LRP1B: variants seen among roughly 807,000 people sequenced by gnomAD.
LRP1B encodes the protein low-density lipoprotein receptor-related protein 1B.
LRP1B carries 217 observed loss-of-function variants against 556.6 expected under a neutral mutation model. The ratio of observed to expected loss-of-function variants is 0.39; its 90% CI spans 0.35 to 0.44. LRP1B has a LOEUF of 0.44. LRP1B is among the 20% of genes least tolerant of loss of function. The probability of loss-of-function intolerance (pLI) is 1.00; values close to 1 mark genes in which losing one functional copy is unlikely to be tolerated. For synonymous variants in LRP1B, 2,047 were observed against 1,865.8 expected (o/e 1.10, Z -2.50); for missense variants, 5,053 against 5,620.8 (o/e 0.90, Z 3.23).
intron 6 of LRP1B, among the ~76,000 whole-genome samples, chr2:141,223,388 G>A (rs970609139): frequency 2.0e-5 from 3 of 151,672 alleles, no homozygotes; most frequent in Non-Finnish European, 4.4e-5. Flanking sequence ...AAGAAAGAGA[G>A]GACATAAACA....
chr2:141,677,769 A>T (rs1453408863), intron 2 of LRP1B, among the ~76,000 whole-genome samples: 1 of 152,172 alleles, frequency 6.6e-6, no homozygotes, highest in African/African-American at 2.4e-5. Context: ...CATTACAGGC[A>T]TGAGCCACTG....
rs76471799 is a variant in LRP1B, at chr2:141,548,845, T to C, written c.206-68312A>G. On this transcript the variant is annotated intron_variant, in intron 2 of 90. Coordinates refer to ENST00000389484, the MANE Select transcript of LRP1B (RefSeq NM_018557.3). ...TCAACAAAGAGCTAACATTTTCTCA[T>C]TGCATGTCCTAAGATCTTAGAATCT... Among the ~76,000 whole-genome samples, 1,031 of 152,268 alleles carry C rather than the reference T, an allele frequency of 6.8e-3. 21 individuals carry two copies. The highest frequency in any genetic ancestry group is 0.023 in the African/African-American group (942 of 41,546).
chr2:140,873,275 G>A (rs184941720), intron 25 of LRP1B, among the ~76,000 whole-genome samples: 8 of 152,138 alleles, frequency 5.3e-5, no homozygotes, highest in African/African-American at 1.9e-4. Context: ...ATCTTTGCTT[G>A]CATGATCTTT....
At chr2:141,070,861 C>G (rs6731760) in intron 7 of LRP1B, among the ~76,000 whole-genome samples, 87,416 of 151,502 alleles carry the variant, frequency 0.58, 25,479 homozygotes, top group Non-Finnish European at 0.62. Context: ...TGGCAATAAT[C>G]AATAGCTTAC....
chr2:140,819,752 TCTATTACAATA>T (rs1439089816), intron 31 of LRP1B, among the ~76,000 whole-genome samples: 1 of 152,194 alleles, frequency 6.6e-6, no homozygotes, highest in Non-Finnish European at 1.5e-5. Context: ...ACACTATATG[TCTATTACAATA>T]GCTAAAATAA....
intron 1 of LRP1B, among the ~76,000 whole-genome samples, chr2:142,062,072 G>T (rs532287472): frequency 1.3e-5 from 2 of 151,960 alleles, no homozygotes; most frequent in South Asian, 4.1e-4. Flanking sequence ...CACTCCAGAA[G>T]CTATCCTTTC....
At chr2:140,488,862 A>G (rs1688586449) in intron 57 of LRP1B, among the ~76,000 whole-genome samples, 1 of 151,936 alleles carries the variant, frequency 6.6e-6, no homozygotes, top group African/African-American at 2.4e-5. Context: ...AAGCATCTTC[A>G]GAGAGGCAGG....
intron 1 of LRP1B, among the ~76,000 whole-genome samples, chr2:141,968,841 C>A (rs1574543478): frequency 6.6e-6 from 1 of 151,860 alleles, no homozygotes; most frequent in Non-Finnish European, 1.5e-5. Context: ...AAACATCTTC[C>A]AGATTTGCTT....
chr2:141,591,470 C>T (rs1273867404), intron 2 of LRP1B, among the ~76,000 whole-genome samples: 1 of 151,680 alleles, frequency 6.6e-6, no homozygotes, highest in Non-Finnish European at 1.5e-5. Flanking sequence ...TTTGTGTCCC[C>T]ACTCCCAGGT....
intron 32 of LRP1B, among the ~76,000 whole-genome samples, chr2:140,779,563 T>A (rs1015120828): frequency 3.3e-5 from 5 of 151,850 alleles, no homozygotes; most frequent in Non-Finnish European, 7.4e-5. Context: ...GGCATGGTGA[T>A]GTGCGCCTGT....
intron 2 of LRP1B, among the ~76,000 whole-genome samples, chr2:141,759,897 G>A (rs904375263): frequency 5.3e-5 from 8 of 152,096 alleles, no homozygotes; most frequent in East Asian, 1.9e-4. Flanking sequence ...TTGGTAGGCC[G>A]AGGCGGGTAG....
chr2:142,092,582 T>A (rs1213761343), intron 1 of LRP1B, among the ~76,000 whole-genome samples: 3 of 152,052 alleles, frequency 2.0e-5, no homozygotes, highest in Non-Finnish European at 2.9e-5. Context: ...GGATTAAAAG[T>A]ATTGCGATCT....
chr2:141,592,675 G>C (rs1687382998), intron 2 of LRP1B, among the ~76,000 whole-genome samples: 1 of 152,100 alleles, frequency 6.6e-6, no homozygotes, highest in Non-Finnish European at 1.5e-5. Flanking sequence ...GTGGAGAAAA[G>C]ACTCATTAAA....
intron 1 of LRP1B, among the ~76,000 whole-genome samples, chr2:142,082,567 T>A (rs1705760318): frequency 6.6e-6 from 1 of 152,138 alleles, no homozygotes; most frequent in Non-Finnish European, 1.5e-5. Flanking sequence ...GTGTCCCAGG[T>A]GGCGCAGCCG....
intron 41 of LRP1B, among the ~76,000 whole-genome samples, chr2:140,691,194 G>T (rs554800884): frequency 1.3e-5 from 2 of 152,172 alleles, no homozygotes; most frequent in South Asian, 2.1e-4. Flanking sequence ...AATATTGGCA[G>T]GGCGCGGTGG....
intron 41 of LRP1B, among the ~76,000 whole-genome samples, chr2:140,673,205 TA>T (rs1324526089): frequency 6.6e-6 from 1 of 152,212 alleles, no homozygotes; most frequent in African/African-American, 2.4e-5. Context: ...TATCCAAAGT[TA>T]AATACCAAAG....
intron 2 of LRP1B, among the ~76,000 whole-genome samples, chr2:141,693,106 C>G (rs940217853): frequency 6.6e-6 from 1 of 152,070 alleles, no homozygotes; most frequent in Admixed American, 6.6e-5. Context: ...CCAGACTAAG[C>G]ATGCATCTTG....
chr2:141,428,422 A>G (rs528501605), intron 3 of LRP1B, among the ~76,000 whole-genome samples: 11 of 152,302 alleles, frequency 7.2e-5, no homozygotes, highest in African/African-American at 2.6e-4. Context: ...TATTTAAAAA[A>G]AAATCTAATG....
At chr2:142,035,360 A>G (rs1703841524) in intron 1 of LRP1B, among the ~76,000 whole-genome samples, 1 of 151,724 alleles carries the variant, frequency 6.6e-6, no homozygotes, top group Admixed American at 6.6e-5. Context: ...TTGGATGCTT[A>G]TCAAAATCAC....
Sources: allele counts gnomAD v4.1 joint callset (sites outside exome capture counted in the v4.1 genomes callset), GRCh38; gene constraint gnomAD v4.1.1; transcripts MANE v1.5; gene names NCBI Gene and HGNC (gene_info 2026-07-23, HGNC 2026-07-21).